Variants in RAB6B observed in about 807,000 individuals in gnomAD.
RAB6B encodes the protein RAB6B, member RAS oncogene family, also known as ras-related protein Rab-6B.
A neutral mutation model predicts 31.2 loss-of-function variants in RAB6B; 7 were observed. That is an observed-to-expected ratio of 0.22 (90% CI 0.13 to 0.42). The LOEUF (loss-of-function observed/expected upper bound fraction) is 0.42. RAB6B is among the 10% of genes least tolerant of loss of function. RAB6B has a pLI of 1.00. For missense variants in RAB6B, 149 were observed against 280.6 expected, an observed-to-expected ratio of 0.53 and a Z score of 3.35; for synonymous variants, 105 against 104.9, an observed-to-expected ratio of 1.00 and a Z score of -0.01.
intron 1 of RAB6B, among the ~76,000 whole-genome samples, chr3:133,879,364 T>C (rs1198515770): frequency 1.3e-5 from 2 of 152,160 alleles, no homozygotes; most frequent in Non-Finnish European, 2.9e-5. Context: ...GGAACTAGAG[T>C]ATAACTGTAC....
intron 2 of RAB6B, among the ~76,000 whole-genome samples, chr3:133,842,473 CAAT>C (rs1935850170): frequency 6.6e-6 from 1 of 152,274 alleles, no homozygotes; most frequent in Middle Eastern, 3.4e-3. Context: ...GCTATGTAAT[CAAT>C]AATAACAAAG....
chr3:133,874,738 A>G (rs1241098836), intron 1 of RAB6B, among the ~76,000 whole-genome samples: 1 of 152,194 alleles, frequency 6.6e-6, no homozygotes, highest in Non-Finnish European at 1.5e-5. Flanking sequence ...CTTAAAATAC[A>G]TACACTGTAC....
Position 133,857,833 on chromosome 3 carries a change from TTCTC to T in RAB6B, c.129+6747_129+6750del, listed in dbSNP as rs561863593. On this transcript the variant is annotated intron_variant, in intron 2 of 7. Coordinates refer to ENST00000285208, the MANE Select transcript of RAB6B (RefSeq NM_016577.4). ...TGGGGCGCATTCAGGCCTCTTCCTC[TTCTC>T]TATGTAACCCACAGACACACTGTTC... is the stretch of plus-strand genomic sequence containing the variant. Among the ~76,000 whole-genome samples, 1,019 of 152,314 alleles carry T rather than the reference TTCTC, an allele frequency of 6.7e-3. 9 individuals are homozygous for T. The highest frequency in any genetic ancestry group is 0.023 in the African/African-American group (949 of 41,554).
chr3:133,856,050 C>T (rs1282925026), intron 2 of RAB6B, among the ~76,000 whole-genome samples: 3 of 152,002 alleles, frequency 2.0e-5, no homozygotes, highest in Admixed American at 6.5e-5. Context: ...GATGAGAACC[C>T]ACAGGCCACG....
At chr3:133,877,738 T>C (rs1936415750) in intron 1 of RAB6B, among the ~76,000 whole-genome samples, 1 of 148,706 alleles carries the variant, frequency 6.7e-6, no homozygotes, top group South Asian at 2.1e-4. Flanking sequence ...AAATAGTTAT[T>C]ATATATTATA....
chr3:133,836,069 C>T (rs1935730255), intron 6 of RAB6B, among the ~76,000 whole-genome samples: 2 of 152,162 alleles, frequency 1.3e-5, no homozygotes, highest in Non-Finnish European at 2.9e-5. Context: ...TCTCTGAAGA[C>T]AGGGTGAGTC....
Position 133,827,766 on chromosome 3 carries a change from C to CCCCCCCCCCCCA in RAB6B, c.*1021_*1022insTGGGGGGGGGGG. 1.0e-5 allele frequency: 2 copies of CCCCCCCCCCCCA among 198,178 alleles called. No homozygotes were observed. Among genetic ancestry groups the CCCCCCCCCCCCA allele is most frequent in the East Asian group, 1.1e-4 (1 of 8,782 alleles). The allele number at this position is 198,178 out of a possible 1,614,324, so 12.3% of individuals were successfully genotyped here. A position where few individuals can be genotyped will look rare whatever the true frequency, so the allele number is the denominator to read the frequency against. On this transcript the variant is annotated 3_prime_UTR_variant, in exon 8 of 8. Coordinates refer to ENST00000285208, the MANE Select transcript of RAB6B (RefSeq NM_016577.4). ...ACAACACCCCCCCCCCCCCCCGCCT[C>CCCCCCCCCCCCA]CCCATCACAGAGGATCAACTCCAGG...
intron 1 of RAB6B, among the ~76,000 whole-genome samples, chr3:133,875,931 C>G (rs937676889): frequency 6.6e-6 from 1 of 152,290 alleles, no homozygotes; most frequent in Admixed American, 6.5e-5. Context: ...GCAGTACTAT[C>G]CGGCATGCGA....
At chr3:133,852,375 T>C (rs1935999651) in intron 2 of RAB6B, among the ~76,000 whole-genome samples, 1 of 152,204 alleles carries the variant, frequency 6.6e-6, no homozygotes, top group Admixed American at 6.5e-5. Context: ...GGAAAGTCTC[T>C]ATCTTGCTGG....
intron 1 of RAB6B, 74 bp downstream of exon 1, chr3:133,895,323 G>A: frequency 6.7e-7 from 1 of 1,498,250 alleles, no homozygotes; most frequent in South Asian, 1.1e-5. Flanking sequence ...TGGGCCGGGG[G>A]TCCCAATGGG....
In RAB6B at chr3:133,871,871, A is replaced by G. The variant is rs117902004; in HGVS notation, c.71-7229T>C. 7.4e-4 allele frequency among the ~76,000 whole-genome samples: 112 copies of G among 152,340 alleles called. 2 individuals are homozygous for G. In the East Asian group the frequency reaches 0.021, roughly 29 times the overall value. ...GGCTGTGCATCCACACTTACCACAC[A>G]CACCAGCTCTTCAGAGCTCCTGGCC... On this transcript the variant is annotated intron_variant, in intron 1 of 7. Transcript: ENST00000285208.
chr3:133,832,968 G>C (rs764593726), intron 7 of RAB6B, among the ~76,000 whole-genome samples: 2 of 152,082 alleles, frequency 1.3e-5, no homozygotes, highest in African/African-American at 4.8e-5. Context: ...TCAACAGCGC[G>C]ACTCTGGGAG....
At position 133,824,564 on chromosome 3, in the gene RAB6B, T is replaced by A. The variant is rs1277296727; in HGVS notation, c.*4224A>T. 1 of 151,978 alleles carries A rather than the reference T, an allele frequency of 6.6e-6. No individual in the cohort carries two copies. The highest frequency in any genetic ancestry group is 2.4e-5 in the African/African-American group (1 of 41,354). 9.4% of individuals were successfully genotyped at this position (151,978 alleles called of 1,614,324 possible). ...GCTGGGAGTGCCAACCAGACAGGGG[T>A]CTGGAGTCCAAGGAGTTTGCACATT... is the stretch of plus-strand genomic sequence containing the variant. On this transcript the variant is annotated 3_prime_UTR_variant, in exon 8 of 8. Coordinates refer to ENST00000285208, the MANE Select transcript of RAB6B (RefSeq NM_016577.4).
At chr3:133,873,862 G>C (rs1936358008) in intron 1 of RAB6B, among the ~76,000 whole-genome samples, 2 of 152,050 alleles carry the variant, frequency 1.3e-5, no homozygotes. Flanking sequence ...TTGATTAACA[G>C]GTATTTTGTG....
chr3:133,895,662 GGA>G lies in RAB6B; in HGVS notation c.-198_-197del. ...CGTGTCCGGCGGCGGAGGAGGAGGA[GGA>G]GAGAGAGGCGGAGGCGGAGGAAGGC... On this transcript the variant is annotated 5_prime_UTR_variant, in exon 1 of 8. Coordinates refer to ENST00000285208, the MANE Select transcript of RAB6B (RefSeq NM_016577.4). 3 of 600,726 alleles carry G rather than the reference GGA, an allele frequency of 5.0e-6. No homozygotes were observed. Among genetic ancestry groups the G allele is most frequent in the South Asian group, 2.0e-5 (1 of 49,016 alleles). The allele number at this position is 600,726 out of a possible 1,614,324, so 37.2% of individuals were successfully genotyped here. A position where few individuals can be genotyped will look rare whatever the true frequency, so the allele number is the denominator to read the frequency against.
intron 1 of RAB6B, among the ~76,000 whole-genome samples, chr3:133,872,740 C>A (rs577627138): frequency 1.3e-5 from 2 of 152,248 alleles, no homozygotes; most frequent in African/African-American, 4.8e-5. Flanking sequence ...ACGTGAAAAA[C>A]CCCATTTCAA....
At chr3:133,881,328 C>T (rs913025174) in intron 1 of RAB6B, among the ~76,000 whole-genome samples, 1 of 152,218 alleles carries the variant, frequency 6.6e-6, no homozygotes, top group Admixed American at 6.5e-5. Context: ...CAGGATCACA[C>T]AGCACCAGGG....
intron 7 of RAB6B, among the ~76,000 whole-genome samples, chr3:133,834,165 AG>A (rs35283485): frequency 1.6e-3 from 241 of 152,018 alleles, no homozygotes; most frequent in African/African-American, 5.7e-3. Context: ...ATCTGTCTGA[AG>A]GGGGGAGCTG....
intron 1 of RAB6B, among the ~76,000 whole-genome samples, chr3:133,891,885 A>G (rs1936642669): frequency 6.6e-6 from 1 of 152,190 alleles, no homozygotes; most frequent in Non-Finnish European, 1.5e-5. Context: ...CTCAGCTAGG[A>G]AAGCAGACAG....
Sources: allele counts gnomAD v4.1 joint callset (sites outside exome capture counted in the v4.1 genomes callset), GRCh38; gene constraint gnomAD v4.1.1; transcripts MANE v1.5; gene names NCBI Gene and HGNC (gene_info 2026-07-23, HGNC 2026-07-21).